PTPRT: variants seen among roughly 807,000 people sequenced by gnomAD.
PTPRT encodes receptor-type tyrosine-protein phosphatase T.
PTPRT carries 56 observed loss-of-function variants against 176.8 expected under a neutral mutation model. The observed-to-expected ratio is 0.32, with a 90% CI of 0.26 to 0.40. The LOEUF is 0.40. Ranked by LOEUF, PTPRT falls within the 10% of genes least tolerant of loss-of-function variation. The pLI is 1.00. For synonymous variants in PTPRT, 783 were observed against 739.0 expected, an observed-to-expected ratio of 1.06 and a Z score of -0.96; for missense variants, 1,540 against 1,908.2, an observed-to-expected ratio of 0.81 and a Z score of 3.60.
chr20:42,427,644 T>C (rs2205945), intron 9 of PTPRT, among the ~76,000 whole-genome samples: 127,671 of 152,112 alleles, frequency 0.84, 53,747 homozygotes, highest in Admixed American at 0.86. Context: ...CCCAAAGGTC[T>C]CACCTCTTAA....
At chr20:43,058,618 A>G (rs1987334664) in intron 1 of PTPRT, among the ~76,000 whole-genome samples, 1 of 152,186 alleles carries the variant, frequency 6.6e-6, no homozygotes. Flanking sequence ...TAAGCAATAA[A>G]CGCTTCATGC....
intron 12 of PTPRT, among the ~76,000 whole-genome samples, chr20:42,307,810 C>G (rs751769310): frequency 1.3e-5 from 2 of 152,072 alleles, no homozygotes; most frequent in Non-Finnish European, 2.9e-5. Flanking sequence ...GTTAGGCATT[C>G]TAAGTCACAG....
intron 1 of PTPRT, among the ~76,000 whole-genome samples, chr20:42,929,461 GAA>G (rs1979695412): frequency 6.6e-6 from 1 of 152,214 alleles, no homozygotes; most frequent in African/African-American, 2.4e-5. Context: ...ACAACTAAAA[GAA>G]AGTGCATTAA....
chr20:42,529,995 G>T (rs1221703868), intron 7 of PTPRT, among the ~76,000 whole-genome samples: 1 of 151,792 alleles, frequency 6.6e-6, no homozygotes, highest in Non-Finnish European at 1.5e-5. Flanking sequence ...CTGCTTTCTT[G>T]TCTCGCCGTT....
At chr20:43,007,260 C>T (rs528303020) in intron 1 of PTPRT, among the ~76,000 whole-genome samples, 1 of 152,092 alleles carries the variant, frequency 6.6e-6, no homozygotes, top group African/African-American at 2.4e-5. Flanking sequence ...AACAGCTGAA[C>T]CTCAGGAACA....
chr20:43,158,383 C>T (rs1008556167), intron 1 of PTPRT, among the ~76,000 whole-genome samples: 7 of 152,142 alleles, frequency 4.6e-5, no homozygotes, highest in Admixed American at 1.3e-4. Flanking sequence ...GGAAATGCCA[C>T]GCAGTTAAAT....
intron 2 of PTPRT, among the ~76,000 whole-genome samples, chr20:42,835,587 T>G (rs963713560): frequency 6.6e-6 from 1 of 152,192 alleles, no homozygotes; most frequent in Non-Finnish European, 1.5e-5. Context: ...TGCTGTTCAC[T>G]CAAGGCTTTG....
In PTPRT at chr20:42,077,000, G is replaced by A. The variant is rs1982841855; in HGVS notation, c.*3879C>T. 11 of 190,176 alleles carry A rather than the reference G, an allele frequency of 5.8e-5. No homozygotes were observed. In the Admixed American group the frequency reaches 6.8e-4, roughly 12 times the overall value. The allele number at this position is 190,176 out of a possible 1,614,324, so 11.8% of individuals were successfully genotyped here. On this transcript the variant is annotated 3_prime_UTR_variant, in exon 31 of 31. Transcript: ENST00000373187. The stretch of plus-strand genomic sequence containing the variant: ...GTGAGAAAAAACCGGTTTAAATCCT[G>A]GTTCATTCACTCACTAGCTGTGGAA...
chr20:42,104,050 T>C (rs1187410042), intron 25 of PTPRT, among the ~76,000 whole-genome samples: 2 of 152,208 alleles, frequency 1.3e-5, no homozygotes, highest in African/African-American at 4.8e-5. Context: ...AATGTTTTCA[T>C]CCCTCCCAAA....
At chr20:42,322,102 T>G in intron 11 of PTPRT, among the ~76,000 whole-genome samples, 1 of 152,054 alleles carries the variant, frequency 6.6e-6, no homozygotes, top group East Asian at 1.9e-4. Context: ...CAACAAATGT[T>G]AAGACTCCGA....
chr20:43,068,504 C>CAAA (rs3092671), intron 1 of PTPRT, among the ~76,000 whole-genome samples: 10 of 56,528 alleles, frequency 1.8e-4, no homozygotes, highest in African/African-American at 3.5e-4. Flanking sequence ...GACTCTGTCT[C>CAAA]AAAAAAAAAA....
intron 7 of PTPRT, among the ~76,000 whole-genome samples, chr20:42,568,229 A>G (rs1192811614): frequency 2.6e-5 from 4 of 152,062 alleles, no homozygotes; most frequent in Non-Finnish European, 5.9e-5. Context: ...TGCCTCCCAA[A>G]GTGCTGGGAT....
intron 12 of PTPRT, among the ~76,000 whole-genome samples, chr20:42,310,646 C>T (rs1022296334): frequency 3.3e-5 from 5 of 151,992 alleles, no homozygotes; most frequent in Non-Finnish European, 7.4e-5. Context: ...GGCTTCTCGT[C>T]TAGACTAGAT....
intron 7 of PTPRT, among the ~76,000 whole-genome samples, chr20:42,577,693 C>T (rs1053842559): frequency 1.3e-5 from 2 of 152,212 alleles, no homozygotes; most frequent in Non-Finnish European, 2.9e-5. Flanking sequence ...GCTACCCAGA[C>T]TACCGGCCAG....
chr20:43,075,691 G>A (rs2011256505), intron 1 of PTPRT, among the ~76,000 whole-genome samples: 1 of 152,218 alleles, frequency 6.6e-6, no homozygotes, highest in Non-Finnish European at 1.5e-5. Flanking sequence ...CTAACCTACA[G>A]CTATGTTGTG....
chr20:42,938,679 C>T (rs564358520), intron 1 of PTPRT, among the ~76,000 whole-genome samples: 74 of 152,264 alleles, frequency 4.9e-4, no homozygotes, highest in African/African-American at 1.6e-3. Flanking sequence ...CTCCCTCCCC[C>T]CCATGCTTGC....
chr20:42,672,145 A>G (rs1404735032), intron 7 of PTPRT, among the ~76,000 whole-genome samples: 1 of 151,216 alleles, frequency 6.6e-6, no homozygotes. Flanking sequence ...TATGTCTGTG[A>G]GGGTGTTGCC....
At chr20:42,693,960 A>G (rs932593106) in intron 6 of PTPRT, among the ~76,000 whole-genome samples, 8 of 151,956 alleles carry the variant, frequency 5.3e-5, no homozygotes, top group Admixed American at 5.2e-4. Context: ...AAGACAATAT[A>G]TAATCTCTTG....
At chr20:42,148,105 C>A (rs1174138825) in intron 17 of PTPRT, among the ~76,000 whole-genome samples, 1 of 152,050 alleles carries the variant, frequency 6.6e-6, no homozygotes, top group African/African-American at 2.4e-5. Context: ...TCTTTTGAAA[C>A]CAAAATTGCC....
Sources: allele counts gnomAD v4.1 joint callset (sites outside exome capture counted in the v4.1 genomes callset), GRCh38; gene constraint gnomAD v4.1.1; transcripts MANE v1.5; gene names NCBI Gene and HGNC (gene_info 2026-07-23, HGNC 2026-07-21).